The following GPATCH2 variants were observed in gnomAD, a reference collection of about 807,000 sequenced individuals.
GPATCH2 encodes G-patch domain containing 2, also known as G patch domain-containing protein 2.
GPATCH2 carries 51 observed loss-of-function variants against 58.0 expected under a neutral mutation model. That is an observed-to-expected ratio of 0.88 (90% CI 0.70 to 1.11). GPATCH2 has a LOEUF of 1.11. GPATCH2 is among the 50% of genes most tolerant of loss of function. The pLI is 0.00. For missense variants in GPATCH2, 625 were observed against 652.2 expected (o/e 0.96, Z 0.45); for synonymous variants, 222 against 218.5 (o/e 1.02, Z -0.14).
intron 5 of GPATCH2, among the ~76,000 whole-genome samples, chr1:217,588,893 T>G (rs1312990633): frequency 1.3e-5 from 2 of 152,180 alleles, no homozygotes; most frequent in Admixed American, 1.3e-4. Context: ...CATAAAACAT[T>G]TTAAACACAA....
At chr1:217,625,194 C>T (rs1036262219) in intron 1 of GPATCH2, among the ~76,000 whole-genome samples, 1 of 152,170 alleles carries the variant, frequency 6.6e-6, no homozygotes, top group Non-Finnish European at 1.5e-5. Context: ...GGTTCCTGAT[C>T]TATTCTAATA....
intron 5 of GPATCH2, among the ~76,000 whole-genome samples, chr1:217,556,682 G>A (rs1438629698): frequency 2.0e-5 from 3 of 152,028 alleles, no homozygotes; most frequent in Non-Finnish European, 4.4e-5. Flanking sequence ...TTTTTTACAT[G>A]CCTCCTAGCA....
chr1:217,608,423 T>C, intron 5 of GPATCH2: 1 of 984,934 alleles, frequency 1.0e-6, no homozygotes, highest in Non-Finnish European at 1.2e-6. Context: ...ATCACCTTTT[T>C]ACAATTTAGA....
chr1:217,533,687 G>A (rs1457198969), intron 5 of GPATCH2, among the ~76,000 whole-genome samples: 3 of 152,246 alleles, frequency 2.0e-5, no homozygotes, highest in South Asian at 4.1e-4. Context: ...AAGTATTTAT[G>A]TTTTCTCTTG....
chr1:217,508,870 T>G (rs1192504542), intron 6 of GPATCH2, among the ~76,000 whole-genome samples: 3 of 152,168 alleles, frequency 2.0e-5, no homozygotes, highest in Non-Finnish European at 4.4e-5. Flanking sequence ...ATATTTCTGA[T>G]TAAAAAAACC....
chr1:217,506,642 T>A (rs962062842), intron 6 of GPATCH2, among the ~76,000 whole-genome samples: 1 of 152,174 alleles, frequency 6.6e-6, no homozygotes, highest in Non-Finnish European at 1.5e-5. Flanking sequence ...AACCAAAACC[T>A]TAAGTGGTTT....
chr1:217,476,877 A>C (rs1247116613), intron 8 of GPATCH2, among the ~76,000 whole-genome samples: 1 of 152,144 alleles, frequency 6.6e-6, no homozygotes, highest in African/African-American at 2.4e-5. Context: ...GGGGCATGCA[A>C]CATACTGAGA....
chr1:217,494,675 C>T (rs1198978457), intron 7 of GPATCH2, among the ~76,000 whole-genome samples: 4 of 151,892 alleles, frequency 2.6e-5, no homozygotes, highest in East Asian at 1.9e-4. Context: ...ACTCGGGAGA[C>T]GGAGGTTGCA....
intron 5 of GPATCH2, among the ~76,000 whole-genome samples, chr1:217,558,450 G>C (rs1665751120): frequency 6.6e-6 from 1 of 152,112 alleles, no homozygotes; most frequent in African/African-American, 2.4e-5. Context: ...TTGTAATAAA[G>C]TGTCTCACAA....
intron 9 of GPATCH2, among the ~76,000 whole-genome samples, chr1:217,437,800 G>A (rs1481214416): frequency 6.6e-6 from 1 of 152,206 alleles, no homozygotes; most frequent in African/African-American, 2.4e-5. Context: ...GGTGGCTGTG[G>A]GCACAGCTTC....
intron 5 of GPATCH2, among the ~76,000 whole-genome samples, chr1:217,551,771 T>C (rs554117886): frequency 6.6e-6 from 1 of 152,256 alleles, no homozygotes; most frequent in Admixed American, 6.5e-5. Flanking sequence ...GAAGTACTTA[T>C]CGTTAACCCA....
In GPATCH2 at chr1:217,429,131, C is replaced by T. The variant is rs41274748; in HGVS notation, c.*2014G>A. 1 of 151,976 alleles carries T rather than the reference C, an allele frequency of 6.6e-6. No homozygotes were observed. Among genetic ancestry groups the T allele is most frequent in the Non-Finnish European group, 1.5e-5 (1 of 67,996 alleles). The allele number at this position is 151,976 out of a possible 1,614,324, so 9.4% of individuals were successfully genotyped here. A position where few individuals can be genotyped will look rare whatever the true frequency, so the allele number is the denominator to read the frequency against. On this transcript the variant is annotated 3_prime_UTR_variant, in exon 10 of 10. Transcript: ENST00000366935. ...CCTCAAACACCAAATTTTGAATAGACCCCAGAGCACAATACACTATCACAA... is the reference window on the plus strand; with the variant it reads ...CCTCAAACACCAAATTTTGAATAGATCCCAGAGCACAATACACTATCACAA...
intron 5 of GPATCH2, among the ~76,000 whole-genome samples, chr1:217,586,472 C>A (rs568425104): frequency 6.6e-6 from 1 of 152,196 alleles, no homozygotes; most frequent in East Asian, 1.9e-4. Flanking sequence ...TCTTCACCCC[C>A]ACATCTTGTC....
intron 8 of GPATCH2, among the ~76,000 whole-genome samples, chr1:217,479,950 CA>C (rs1359308973): frequency 6.6e-6 from 1 of 151,996 alleles, no homozygotes; most frequent in Non-Finnish European, 1.5e-5. Flanking sequence ...GTCAATTCAG[CA>C]AGAGGGTTTA....
intron 8 of GPATCH2, among the ~76,000 whole-genome samples, chr1:217,470,353 T>C (rs555303150): frequency 2.0e-5 from 3 of 152,198 alleles, no homozygotes; most frequent in African/African-American, 7.2e-5. Flanking sequence ...AAATATCTAG[T>C]TCATCTACCA....
intron 5 of GPATCH2, among the ~76,000 whole-genome samples, chr1:217,582,721 A>G (rs1342078987): frequency 6.6e-6 from 1 of 152,248 alleles, no homozygotes; most frequent in Non-Finnish European, 1.5e-5. Context: ...GGTGACAGGT[A>G]TATAAACAAT....
chr1:217,625,906 C>T lies in GPATCH2; in HGVS notation c.56+5010G>A, dbSNP rs112766202. ...GGCTGAGGCAGGAGAATTGCTCCAA[C>T]CCAGGAGGCAGAGGTTGCAGTGAGT... On this transcript the variant is annotated intron_variant, in intron 1 of 9. Coordinates refer to ENST00000366935, the MANE Select transcript of GPATCH2 (RefSeq NM_018040.5). Among the ~76,000 whole-genome samples, 308 of 152,210 alleles carry T rather than the reference C, an allele frequency of 2.0e-3. 2 individuals are homozygous for T. Among genetic ancestry groups the T allele is most frequent in the Non-Finnish European group, 3.5e-3 (235 of 68,006 alleles).
At chr1:217,536,871 G>T (rs749662504) in intron 5 of GPATCH2, among the ~76,000 whole-genome samples, 3 of 152,120 alleles carry the variant, frequency 2.0e-5, no homozygotes, top group Non-Finnish European at 4.4e-5. Context: ...CAGCTACTCG[G>T]GAGGCTGAGG....
At chr1:217,491,282 T>C (rs1379479677) in intron 8 of GPATCH2, among the ~76,000 whole-genome samples, 1 of 152,170 alleles carries the variant, frequency 6.6e-6, no homozygotes, top group African/African-American at 2.4e-5. Context: ...TAAAAGAGAC[T>C]ACTTTCTTCC....
Sources: allele counts gnomAD v4.1 joint callset (sites outside exome capture counted in the v4.1 genomes callset), GRCh38; gene constraint gnomAD v4.1.1; transcripts MANE v1.5; gene names NCBI Gene and HGNC (gene_info 2026-07-23, HGNC 2026-07-21).